Variants in CPVL observed in about 807,000 individuals in gnomAD.
CPVL encodes the protein probable serine carboxypeptidase CPVL.
A neutral mutation model predicts 63.7 loss-of-function variants in CPVL; 51 were observed. The observed-to-expected ratio is 0.80, with a 90% CI of 0.64 to 1.01. CPVL has a LOEUF of 1.01. Among genes scored for constraint, CPVL ranks in the 50% least tolerant of loss-of-function variants. The pLI, the probability that CPVL is intolerant of heterozygous loss-of-function variation, is 0.00. For missense variants in CPVL, 530 were observed against 573.1 expected (o/e 0.92, Z 0.77); for synonymous variants, 195 against 206.0 (o/e 0.95, Z 0.46).
chr7:29,130,778 C>T (rs776712241), intron 1 of CPVL, among the ~76,000 whole-genome samples: 11 of 152,200 alleles, frequency 7.2e-5, no homozygotes, highest in African/African-American at 2.4e-4. Context: ...TTGATAAAAA[C>T]GGAATTCTGA....
rs1425824844 is a variant in CPVL at position 29,142,237 on chromosome 7, T to C, written c.-11+4192A>G. On this transcript the variant is annotated intron_variant, in intron 1 of 12. Transcript: ENST00000265394. The stretch of plus-strand genomic sequence containing the variant: ...CAGGCATTAAAATACTAACAGATCA[T>C]TGAACACCTGTATTTATTTTTTGCT... Among the ~76,000 whole-genome samples the C allele has an allele frequency of 2.6e-5, 4 of 152,206 alleles. No homozygotes were observed. The East Asian group carries it at 5.8e-4, about 22-fold the overall frequency.
At chr7:29,092,792 G>A in intron 5 of CPVL, 90 bp from the exon 6 acceptor site, 9 of 922,574 alleles carry the variant, frequency 9.8e-6, no homozygotes, top group Non-Finnish European at 1.6e-5. Context: ...AGGTGACCTT[G>A]TTCCAAAGGC....
chr7:28,995,334 T>C lies in CPVL; in HGVS notation c.*438A>G, dbSNP rs139482636. 1.3e-5 allele frequency: 2 copies of C among 155,542 alleles called. No individual in the cohort carries two copies. The highest frequency in any genetic ancestry group is 4.8e-5 in the African/African-American group (2 of 41,632). 9.6% of individuals were successfully genotyped at this position (155,542 alleles called of 1,614,324 possible). On this transcript the variant is annotated 3_prime_UTR_variant, in exon 13 of 13. Coordinates refer to ENST00000265394, the MANE Select transcript of CPVL (RefSeq NM_031311.5). ...AAACTATTATAGCTTCATCCATTTA[T>C]TTGGGATAATTGAGCTATTCTTATC...
intron 7 of CPVL, chr7:29,080,205 C>G (rs1277596910): frequency 6.6e-6 from 1 of 152,096 alleles, no homozygotes. Context: ...ACCCCTATGA[C>G]ACGTGTTTGT....
intron 1 of CPVL, chr7:29,193,434 G>GTTTTT (rs1460932759): frequency 6.6e-6 from 1 of 152,098 alleles, no homozygotes; most frequent in Non-Finnish European, 1.5e-5. Context: ...TTTTAACCAT[G>GTTTTT]TTTTAAAAAG....
intron 5 of CPVL, among the ~76,000 whole-genome samples, chr7:29,160,311 T>TAG (rs755932649): frequency 5.9e-5 from 9 of 152,196 alleles, no homozygotes; most frequent in Non-Finnish European, 1.0e-4. Context: ...TCATAAAACT[T>TAG]ATCTGATTCC....
chr7:29,024,194 A>C (rs1234390905), intron 12 of CPVL, among the ~76,000 whole-genome samples: 2 of 152,184 alleles, frequency 1.3e-5, no homozygotes, highest in South Asian at 2.1e-4. Context: ...TCAATGAATG[A>C]AACAAAAAAA....
At chr7:29,063,613 C>T (rs1380835966) in intron 11 of CPVL, among the ~76,000 whole-genome samples, 1 of 151,950 alleles carries the variant, frequency 6.6e-6, no homozygotes, top group Non-Finnish European at 1.5e-5. Flanking sequence ...CTCTGTTGCC[C>T]AGGCTGGAGT....
At chr7:29,006,154 C>G (rs191762514) in intron 12 of CPVL, among the ~76,000 whole-genome samples, 14 of 152,234 alleles carry the variant, frequency 9.2e-5, no homozygotes, top group African/African-American at 3.1e-4. Flanking sequence ...ACATTGCTGC[C>G]CAACTCCATG....
rs1796990056 is a variant in CPVL, at chr7:29,174,354, C to T, written c.-11+6936G>A. Reference sequence around the variant, plus strand: ...CTGGGGAAAGGACAGAAGCAAAAGTCATCAGTCCCTGAGGAGAGACAGTAA... The same window carrying T: ...CTGGGGAAAGGACAGAAGCAAAAGTTATCAGTCCCTGAGGAGAGACAGTAA... On this transcript the variant is annotated intron_variant, in intron 5 of 16. Transcript: ENST00000409850. 2.6e-5 allele frequency among the ~76,000 whole-genome samples: 4 copies of T among 152,176 alleles called. No individual in the cohort carries two copies. In the South Asian group the frequency reaches 8.3e-4, roughly 32 times the overall value.
intron 5 of CPVL, among the ~76,000 whole-genome samples, chr7:29,161,088 A>C (rs1795110754): frequency 6.6e-6 from 1 of 152,074 alleles, no homozygotes. Context: ...ACTTCTTACC[A>C]GATATTATCT....
At chr7:29,018,253 T>C (rs995185606) in intron 12 of CPVL, among the ~76,000 whole-genome samples, 7 of 150,906 alleles carry the variant, frequency 4.6e-5, no homozygotes, top group African/African-American at 1.7e-4. Context: ...TTCAATAAAA[T>C]AACGATGAAA....
At chr7:29,035,579 T>C (rs1157835413) in intron 11 of CPVL, among the ~76,000 whole-genome samples, 1 of 151,992 alleles carries the variant, frequency 6.6e-6, no homozygotes, top group African/African-American at 2.4e-5. Flanking sequence ...TGGTGGGGAG[T>C]GGCCTTGCTA....
chr7:29,053,582 G>A (rs1044933969), intron 11 of CPVL, among the ~76,000 whole-genome samples: 4 of 152,202 alleles, frequency 2.6e-5, no homozygotes, highest in African/African-American at 9.7e-5. Context: ...GCTGGAAGAG[G>A]AAGTGGAAAT....
chr7:29,061,234 C>G (rs372139673), intron 11 of CPVL, among the ~76,000 whole-genome samples: 6 of 151,896 alleles, frequency 4.0e-5, no homozygotes, highest in African/African-American at 1.4e-4. Flanking sequence ...ATGGTGAAAC[C>G]CTGTCTCTAC....
chr7:29,059,038 T>G (rs1791018989), intron 11 of CPVL, among the ~76,000 whole-genome samples: 1 of 152,156 alleles, frequency 6.6e-6, no homozygotes, highest in South Asian at 2.1e-4. Context: ...TCCCTTTATG[T>G]GTATGTTACA....
At chr7:29,017,911 T>C (rs746219651) in intron 12 of CPVL, among the ~76,000 whole-genome samples, 4 of 152,256 alleles carry the variant, frequency 2.6e-5, no homozygotes, top group Admixed American at 6.5e-5. Context: ...ATGGGTAGGA[T>C]ACTTCAGGGA....
At chr7:29,101,982 A>G (rs1292272235) in intron 3 of CPVL, among the ~76,000 whole-genome samples, 1 of 152,198 alleles carries the variant, frequency 6.6e-6, no homozygotes, top group African/African-American at 2.4e-5. Context: ...CGAATTTACC[A>G]CAATGTATTA....
In CPVL at chr7:29,189,301, T is replaced by C. The variant is rs1464113786; in HGVS notation, c.-447-2754A>G. Among the ~76,000 whole-genome samples the C allele has an allele frequency of 2.0e-5, 3 of 152,154 alleles. No individual in the cohort carries two copies. In the East Asian group the frequency reaches 5.8e-4, roughly 29 times the overall value. On this transcript the variant is annotated intron_variant, in intron 1 of 16. Transcript: ENST00000409850. Reference sequence around the variant, plus strand: ...CAGGCCTCGTATACTCCCTGGCACATAATGAGTGTTTAGTCAACATGACTG... The same window carrying C: ...CAGGCCTCGTATACTCCCTGGCACACAATGAGTGTTTAGTCAACATGACTG...
Sources: gnomAD v4.1 joint callset for allele counts (sites outside exome capture counted in the v4.1 genomes callset) on GRCh38, gnomAD v4.1.1 for gene constraint, MANE v1.5 for transcripts, NCBI Gene and HGNC (gene_info 2026-07-23, HGNC 2026-07-21) for gene names.